OPN3: variants seen among roughly 807,000 people sequenced by gnomAD.
OPN3 encodes opsin 3.
OPN3 carries 29 observed loss-of-function variants against 33.8 expected under a neutral mutation model. The observed-to-expected ratio is 0.86, with a 90% confidence interval of 0.64 to 1.17. The LOEUF (loss-of-function observed/expected upper bound fraction) is 1.17, where lower values mean the gene tolerates loss of function less well. OPN3 is among the 50% of genes most tolerant of loss of function. The probability of loss-of-function intolerance (pLI) is 0.00; values close to 1 mark genes in which losing one functional copy is unlikely to be tolerated. For synonymous variants in OPN3, 216 were observed against 216.1 expected, an observed-to-expected ratio of 1.00 and a Z score of 0.00; for missense variants, 437 against 514.1, an observed-to-expected ratio of 0.85 and a Z score of 1.45.
At chr1:241,610,858 A>C (rs1663971499) in intron 1 of OPN3, among the ~76,000 whole-genome samples, 1 of 152,208 alleles carries the variant, frequency 6.6e-6, no homozygotes, top group African/African-American at 2.4e-5. Context: ...GGGAAAATTA[A>C]TTAACATCCC....
chr1:241,625,938 C>A (rs546456631), intron 1 of OPN3, among the ~76,000 whole-genome samples: 1 of 152,262 alleles, frequency 6.6e-6, no homozygotes, highest in Non-Finnish European at 1.5e-5. Flanking sequence ...GCATCTGATT[C>A]CCAGATGTGA....
intron 1 of OPN3, among the ~76,000 whole-genome samples, chr1:241,638,962 A>C (rs1247717760): frequency 6.6e-6 from 1 of 152,236 alleles, no homozygotes; most frequent in Admixed American, 6.5e-5. Context: ...TTCTATTTCA[A>C]ATCTCCCTAC....
chr1:241,599,618 T>C (rs899927307), intron 2 of OPN3, among the ~76,000 whole-genome samples: 3 of 152,178 alleles, frequency 2.0e-5, no homozygotes, highest in African/African-American at 4.8e-5. Context: ...TATTTTTCTA[T>C]TTTCAAAACA....
chr1:241,603,039 A>C (rs1573952209), intron 2 of OPN3, among the ~76,000 whole-genome samples: 1 of 152,312 alleles, frequency 6.6e-6, no homozygotes, highest in South Asian at 2.1e-4. Flanking sequence ...AAAACAAAAT[A>C]GCCTGGTAAT....
chr1:241,625,427 T>C (rs2148016018), intron 1 of OPN3, among the ~76,000 whole-genome samples: 1 of 152,340 alleles, frequency 6.6e-6, no homozygotes, highest in African/African-American at 2.4e-5. Context: ...GATTTTGAGG[T>C]AGTTGCCATG....
At chr1:241,621,771 A>G (rs1338950544) in intron 1 of OPN3, among the ~76,000 whole-genome samples, 2 of 152,198 alleles carry the variant, frequency 1.3e-5, no homozygotes, top group Admixed American at 1.3e-4. Flanking sequence ...ATCAATAAGT[A>G]TAATGGGTCA....
chr1:241,640,087 G>T lies in OPN3; in HGVS notation c.168C>A (p.Val56=). The T allele has an allele frequency of 6.2e-7, 1 of 1,610,184 alleles. No homozygotes were observed. The highest frequency in any genetic ancestry group is 8.5e-7 in the Non-Finnish European group (1 of 1,178,552). Residue 56 remains valine (V), a synonymous_variant, in exon 1 of 4, where the codon GTC becomes GTA. Transcript: ENST00000366554. ...LLLGSIGLLG[V]GNNLLVLVLY... is the part of the protein sequence containing the mutation. ...GGACGAGCACCAGCAGGTTGTTGCC[G>T]ACGCCCAGCAGCCCAATGGAGCCCA...
At chr1:241,604,051 G>C (rs145198387) in intron 2 of OPN3, among the ~76,000 whole-genome samples, 139 of 152,318 alleles carry the variant, frequency 9.1e-4, no homozygotes, top group African/African-American at 3.0e-3. Flanking sequence ...TTGGTTGAGA[G>C]AGGGATGTAG....
At chr1:241,636,224 C>G (rs949794996) in intron 1 of OPN3, among the ~76,000 whole-genome samples, 3 of 152,148 alleles carry the variant, frequency 2.0e-5, no homozygotes, top group East Asian at 3.8e-4. Context: ...CACATATTTT[C>G]TAATTTCTTG....
Position 241,609,184 on chromosome 1 carries a change from G to A in OPN3, c.374-4605C>T, listed in dbSNP as rs762260796. ...TACTTCAAATGGTGCATCCATTTCC[G>A]TGAACACTGAAAAGCAATGGGAATG... On this transcript the variant is annotated intron_variant, in intron 1 of 3. Transcript: ENST00000366554. 1.2e-4 allele frequency among the ~76,000 whole-genome samples: 19 copies of A among 152,266 alleles called. No homozygotes were observed. The South Asian group carries it at 1.5e-3, about 12-fold the overall frequency.
chr1:241,596,242 T>C (rs1259978290), intron 3 of OPN3, among the ~76,000 whole-genome samples: 1 of 152,260 alleles, frequency 6.6e-6, no homozygotes, highest in African/African-American at 2.4e-5. Flanking sequence ...CCCTAAAATA[T>C]CTTAACCTCT....
intron 1 of OPN3, chr1:241,634,069 C>G: frequency 6.2e-7 from 1 of 1,612,032 alleles, no homozygotes; most frequent in South Asian, 1.1e-5. Flanking sequence ...AGCCATTATA[C>G]GAGCTTCTGC....
chr1:241,611,494 A>AAG, intron 1 of OPN3, among the ~76,000 whole-genome samples: 1 of 21,786 alleles, frequency 4.6e-5, no homozygotes, highest in African/African-American at 2.8e-4. Context: ...TAACAAGGCC[A>AAG]AAAAAAAAAA....
chr1:241,594,947 A>T (rs1663454585), intron 3 of OPN3: 2 of 409,284 alleles, frequency 4.9e-6, no homozygotes, highest in Middle Eastern at 1.3e-3. Context: ...TTCAATCTGC[A>T]CACACTTTCT....
intron 1 of OPN3, chr1:241,635,639 T>C (rs1664867338): frequency 6.2e-7 from 1 of 1,614,088 alleles, no homozygotes; most frequent in Non-Finnish European, 8.5e-7. Flanking sequence ...GTTTCCTCCA[T>C]AGTAGCTTCT....
chr1:241,621,803 A>G (rs1021668377), intron 1 of OPN3, among the ~76,000 whole-genome samples: 3 of 152,188 alleles, frequency 2.0e-5, no homozygotes, highest in Non-Finnish European at 4.4e-5. Context: ...GAGCCCAGGC[A>G]TGGCCAACTG....
chr1:241,640,286 G>T lies in OPN3; in HGVS notation c.-32C>A. 1 of 1,157,904 alleles carries T rather than the reference G, an allele frequency of 8.6e-7. No individual in the cohort carries two copies. The highest frequency in any genetic ancestry group is 4.3e-5 in the East Asian group (1 of 23,460). The allele number at this position is 1,157,904 out of a possible 1,614,324, so 71.7% of individuals were successfully genotyped here. A position where few individuals can be genotyped will look rare whatever the true frequency, so the allele number is the denominator to read the frequency against. ...GCGCCGGCGCGCCTGGCGGGCGGAG[G>T]CGCTCAGCTTGCGGCGGGGCTCGCG... On this transcript the variant is annotated 5_prime_UTR_variant, in exon 1 of 4. Coordinates refer to ENST00000366554, the MANE Select transcript of OPN3 (RefSeq NM_014322.3).
Position 241,593,303 on chromosome 1 carries a change from C to A in OPN3, c.*1125G>T. On this transcript the variant is annotated 3_prime_UTR_variant, in exon 4 of 4. Transcript: ENST00000366554. ...ACATACTGCAGCAGAACCAGCAATA[C>A]ACTTGATTTTTAAAAGCACATTTAG... 2.5e-6 allele frequency: 1 copy of A among 402,032 alleles called. No homozygotes were observed. The highest frequency in any genetic ancestry group is 1.8e-5 in the South Asian group (1 of 54,436). 24.9% of individuals were successfully genotyped at this position (402,032 alleles called of 1,614,324 possible). A position where few individuals can be genotyped will look rare whatever the true frequency, so the allele number is the denominator to read the frequency against.
chr1:241,611,623 A>G (rs922565450), intron 1 of OPN3, among the ~76,000 whole-genome samples: 2 of 152,216 alleles, frequency 1.3e-5, no homozygotes, highest in Non-Finnish European at 2.9e-5. Flanking sequence ...AGGTGCCTGC[A>G]AATAATTCAA....
Sources: allele counts gnomAD v4.1 joint callset (sites outside exome capture counted in the v4.1 genomes callset), GRCh38; gene constraint gnomAD v4.1.1; transcripts MANE v1.5; gene names NCBI Gene and HGNC (gene_info 2026-07-23, HGNC 2026-07-21).